LHX4: variants seen among roughly 807,000 people sequenced by gnomAD.
LHX4 encodes the protein LIM homeobox 4, also known as LIM/homeobox protein Lhx4.
Under a neutral mutation model 39.2 loss-of-function variants are expected in LHX4, and 16 were observed. The ratio of observed to expected loss-of-function variants is 0.41; its 90% CI spans 0.28 to 0.62. LHX4 has a LOEUF of 0.62. LHX4 is among the 20% of genes least tolerant of loss of function. LHX4 has a pLI of 0.33. For missense variants in LHX4, 439 were observed against 511.9 expected, an observed-to-expected ratio of 0.86 and a Z score of 1.37; for synonymous variants, 206 against 198.1, an observed-to-expected ratio of 1.04 and a Z score of -0.33.
Position 180,276,993 on chromosome 1 carries a change from G to C in LHX4, c.*2414G>C, listed in dbSNP as rs933034434. ...TATAATAAATCTCTTGAGGAACTCAGTGAGCAGTTGACGAGGTCAATAGTT... is the reference window on the plus strand; with the variant it reads ...TATAATAAATCTCTTGAGGAACTCACTGAGCAGTTGACGAGGTCAATAGTT... On this transcript the variant is annotated 3_prime_UTR_variant, in exon 6 of 6. Transcript: ENST00000263726. 1 of 152,208 alleles carries C rather than the reference G, an allele frequency of 6.6e-6. No individual in the cohort carries two copies. The highest frequency in any genetic ancestry group is 1.5e-5 in the Non-Finnish European group (1 of 68,040). The allele number at this position is 152,208 out of a possible 1,614,324, so 9.4% of individuals were successfully genotyped here.
chr1:180,271,083 G>C (rs1347878403), intron 3 of LHX4: 2 of 473,698 alleles, frequency 4.2e-6, no homozygotes, highest in Non-Finnish European at 7.8e-6. Context: ...TGTGGAATTG[G>C]GTACATTCAA....
chr1:180,259,493 T>A (rs1333190779), intron 2 of LHX4, among the ~76,000 whole-genome samples: 2 of 151,006 alleles, frequency 1.3e-5, no homozygotes, highest in Admixed American at 6.6e-5. Context: ...GGTGTGCGAG[T>A]GGAAGGCACA....
chr1:180,264,684 C>G (rs571647808), intron 2 of LHX4, among the ~76,000 whole-genome samples: 26 of 152,312 alleles, frequency 1.7e-4, no homozygotes, highest in African/African-American at 6.3e-4. Flanking sequence ...AAACCCAGGT[C>G]CCCTCCTGAG....
intron 3 of LHX4, 88 bp from the exon 4 acceptor site, chr1:180,271,292 G>A: frequency 6.8e-7 from 1 of 1,463,502 alleles, no homozygotes; most frequent in Non-Finnish European, 9.6e-7. Context: ...GCAGGCTTAG[G>A]TGCAGAAAGG....
At chr1:180,240,473 G>A (rs989188871) in intron 1 of LHX4, among the ~76,000 whole-genome samples, 2 of 152,120 alleles carry the variant, frequency 1.3e-5, no homozygotes, top group Non-Finnish European at 2.9e-5. Flanking sequence ...AGTCATTGTC[G>A]GATATGTTGG....
At chr1:180,268,064 G>T (rs1199796132) in intron 3 of LHX4, among the ~76,000 whole-genome samples, 1 of 152,126 alleles carries the variant, frequency 6.6e-6, no homozygotes, top group Non-Finnish European at 1.5e-5. Context: ...CCATCCCAAG[G>T]CTCTTTGCCT....
chr1:180,273,516 T>C (rs1206674870), intron 5 of LHX4: 1 of 152,666 alleles, frequency 6.6e-6, no homozygotes, highest in African/African-American at 2.4e-5. Flanking sequence ...TCACCTCTGT[T>C]GGAGAGAGAA....
chr1:180,260,944 T>C (rs911103790), intron 2 of LHX4, among the ~76,000 whole-genome samples: 16 of 151,866 alleles, frequency 1.1e-4, no homozygotes, highest in African/African-American at 1.7e-4. Flanking sequence ...CCCCAGTTCT[T>C]ATCTGTTAAA....
intron 1 of LHX4, among the ~76,000 whole-genome samples, chr1:180,235,176 C>T (rs1664285797): frequency 6.6e-6 from 1 of 152,260 alleles, no homozygotes; most frequent in South Asian, 2.1e-4. Flanking sequence ...CCTCTCTCTC[C>T]CCGGTGCGCT....
In LHX4 at chr1:180,266,160, G is replaced by A. The variant is rs970237536; in HGVS notation, c.249-232G>A. 2.6e-5 allele frequency among the ~76,000 whole-genome samples: 4 copies of A among 152,192 alleles called. No individual in the cohort carries two copies. Among genetic ancestry groups the A allele is most frequent in the Non-Finnish European group, 4.4e-5 (3 of 68,038 alleles). On this transcript the variant is annotated intron_variant, in intron 2 of 5. Transcript: ENST00000263726. The surrounding 1 kb of genome is among the most constrained non-coding windows in gnomAD (Gnocchi z 5.7). Reference sequence around the variant, plus strand: ...CATCAGCTTTGGAAAAGGTACCTGAGGGAGACTCTAGTTCTCATCAGTCCC... The same window carrying A: ...CATCAGCTTTGGAAAAGGTACCTGAAGGAGACTCTAGTTCTCATCAGTCCC...
chr1:180,230,713 C>A lies in LHX4; in HGVS notation c.76+108C>A. The A allele has an allele frequency of 1.9e-6, 2 of 1,080,726 alleles. No individual in the cohort carries two copies. Among genetic ancestry groups the A allele is most frequent in the Non-Finnish European group, 2.8e-6 (2 of 716,502 alleles). 66.9% of individuals were successfully genotyped at this position (1,080,726 alleles called of 1,614,324 possible). Reference sequence around the variant, plus strand: ...CTCAGGGGCCGGGAGGGGCTGGCGGCCGGGGCGCAGAGGCGGTCACAGGGC... The same window carrying A: ...CTCAGGGGCCGGGAGGGGCTGGCGGACGGGGCGCAGAGGCGGTCACAGGGC... On this transcript the variant is annotated intron_variant, in intron 1 of 5. Transcript: ENST00000263726. This position sits in a 1 kb window ranked among gnomAD's most constrained non-coding sequence, Gnocchi z 5.8.
At chr1:180,249,555 C>T (rs1435858335) in intron 2 of LHX4, among the ~76,000 whole-genome samples, 1 of 152,128 alleles carries the variant, frequency 6.6e-6, no homozygotes, top group African/African-American at 2.4e-5. Context: ...CACACCCAGC[C>T]CAGATAACCA....
At chr1:180,245,189 A>T (rs888700129) in intron 1 of LHX4, among the ~76,000 whole-genome samples, 3 of 152,190 alleles carry the variant, frequency 2.0e-5, no homozygotes, top group African/African-American at 7.2e-5. Context: ...CCGCAAGGGC[A>T]CTGAACTCAG....
Position 180,278,217 on chromosome 1 carries a change from T to C in LHX4, c.*3638T>C, listed in dbSNP as rs1232953264. ...GAGGCTCATTTTTAAACACTGCACT[T>C]TAAAAATTGGAAACCGTGAGATGAA... On this transcript the variant is annotated 3_prime_UTR_variant, in exon 6 of 6. Transcript: ENST00000263726. 3 of 152,170 alleles carry C rather than the reference T, an allele frequency of 2.0e-5. No individual in the cohort carries two copies. Among genetic ancestry groups the C allele is most frequent in the African/African-American group, 7.2e-5 (3 of 41,436 alleles). The allele number at this position is 152,170 out of a possible 1,614,324, so 9.4% of individuals were successfully genotyped here.
intron 2 of LHX4, among the ~76,000 whole-genome samples, chr1:180,255,677 C>T (rs1015482338): frequency 3.3e-5 from 5 of 152,206 alleles, no homozygotes; most frequent in Admixed American, 2.0e-4. Flanking sequence ...CCCCGAAGCT[C>T]CCCCAGGGAC....
intron 2 of LHX4, among the ~76,000 whole-genome samples, chr1:180,250,375 G>T (rs1040689222): frequency 6.6e-6 from 1 of 151,944 alleles, no homozygotes; most frequent in Non-Finnish European, 1.5e-5. Context: ...ATATGTACCC[G>T]GGTGCAAATG....
In LHX4 at chr1:180,271,551, C is replaced by T; in HGVS notation, c.606+17C>T. 6.2e-7 allele frequency: 1 copy of T among 1,613,778 alleles called. No individual in the cohort carries two copies. The highest frequency in any genetic ancestry group is 8.5e-7 in the Non-Finnish European group (1 of 1,179,814). ...GTCGTACAGGTGAGATGCCAGCACTCCTGTGCCCTCCGGGGATCCCAGGCC... is the reference window on the plus strand; with the variant it reads ...GTCGTACAGGTGAGATGCCAGCACTTCTGTGCCCTCCGGGGATCCCAGGCC... On this transcript the variant is annotated intron_variant, in intron 4 of 5. Transcript: ENST00000263726.
chr1:180,237,852 G>A (rs1664361094), intron 1 of LHX4, among the ~76,000 whole-genome samples: 1 of 152,174 alleles, frequency 6.6e-6, no homozygotes, highest in Non-Finnish European at 1.5e-5. Flanking sequence ...CAAACATATG[G>A]AATACTGTTA....
At chr1:180,260,034 G>A (rs11586878) in intron 2 of LHX4, among the ~76,000 whole-genome samples, 3,128 of 151,726 alleles carry the variant, frequency 0.021, 59 homozygotes, top group Non-Finnish European at 0.03. Flanking sequence ...TGTGGGGACT[G>A]CAGTCACCAA....
Sources: gnomAD v4.1 joint callset for allele counts (sites outside exome capture counted in the v4.1 genomes callset) on GRCh38, gnomAD v4.1.1 for gene constraint, Gnocchi (gnomAD v3.1) non-coding constraint, MANE v1.5 for transcripts, NCBI Gene and HGNC (gene_info 2026-07-23, HGNC 2026-07-21) for gene names.